The following COL18A1 variants were observed in gnomAD, a reference collection of about 807,000 sequenced individuals.
COL18A1 encodes the protein collagen type XVIII alpha 1 chain.
Under a neutral mutation model 168.0 loss-of-function variants are expected in COL18A1, and 133 were observed. The observed-to-expected ratio is 0.79, with a 90% CI of 0.69 to 0.91. The LOEUF (loss-of-function observed/expected upper bound fraction) is 0.91, where lower values mean the gene tolerates loss of function less well. Among genes scored for constraint, COL18A1 ranks in the 40% least tolerant of loss-of-function variants. COL18A1 has a pLI of 0.00. For missense variants in COL18A1, 2,126 were observed against 1,925.4 expected, an observed-to-expected ratio of 1.10 and a Z score of -1.95; for synonymous variants, 949 against 809.0, an observed-to-expected ratio of 1.17 and a Z score of -2.94.
intron 9 of COL18A1, 76 bp downstream of exon 9, chr21:45,478,429 C>T (rs2035761532): frequency 1.2e-6 from 2 of 1,602,522 alleles, no homozygotes; most frequent in South Asian, 1.1e-5. Context: ...TTGCCAGTGA[C>T]ACTCTTTTTA....
intron 9 of COL18A1, among the ~76,000 whole-genome samples, chr21:45,478,668 T>C (rs1267850041): frequency 7.3e-6 from 1 of 136,778 alleles, no homozygotes; most frequent in Non-Finnish European, 1.6e-5. Context: ...GGGCAGGGGG[T>C]GGTGCAAGTC....
chr21:45,480,984 T>G, intron 13 of COL18A1, 126 bp downstream of exon 13: 2 of 1,380,510 alleles, frequency 1.4e-6, no homozygotes, highest in Non-Finnish European at 2.0e-6. Flanking sequence ...CCTCATCTCC[T>G]CTAGGAGCTG....
intron 2 of COL18A1, among the ~76,000 whole-genome samples, chr21:45,430,827 G>A (rs1376053546): frequency 2.6e-5 from 4 of 152,186 alleles, no homozygotes; most frequent in African/African-American, 7.2e-5. Flanking sequence ...CTGGGAAGCC[G>A]GGATCACGAG....
At chr21:45,497,225 C>G (rs1361422960) in intron 31 of COL18A1, 133 bp downstream of exon 31, 7 of 727,154 alleles carry the variant, frequency 9.6e-6, no homozygotes, top group Non-Finnish European at 1.7e-5. Flanking sequence ...CCAGCCCACG[C>G]CCCAGTTCCG....
At position 45,471,075 on chromosome 21, in the gene COL18A1, C is replaced by G. The variant is rs1358652568; in HGVS notation, c.651+2289C>G. ...CGCTACGGGCCTTGTGCTGCTGGGCCTGGGTGGCGCGCTACGGGCCGTGTG... is the reference window on the plus strand; with the variant it reads ...CGCTACGGGCCTTGTGCTGCTGGGCGTGGGTGGCGCGCTACGGGCCGTGTG... On this transcript the variant is annotated intron_variant, in intron 3 of 41. Coordinates refer to ENST00000651438, the MANE Select transcript of COL18A1 (RefSeq NM_001379500.1). This position sits in a 1 kb window ranked among gnomAD's most constrained non-coding sequence, Gnocchi z 4.4. Among the ~76,000 whole-genome samples the G allele has an allele frequency of 8.2e-6, 1 of 122,252 alleles. No individual in the cohort carries two copies. The highest frequency in any genetic ancestry group is 7.9e-5 in the Admixed American group (1 of 12,584). 80.2% of individuals were successfully genotyped at this position (122,252 alleles called of 152,430 possible).
rs113761342 is a variant in COL18A1 at position 45,413,081 on chromosome 21, T to C, written c.106+7608T>C. 4.1e-3 allele frequency among the ~76,000 whole-genome samples: 623 copies of C among 152,244 alleles called. 5 individuals carry two copies. Among genetic ancestry groups the C allele is most frequent in the African/African-American group, 0.014 (594 of 41,552 alleles). ...ATCGGCTTCCTGGGGTGTGTCCTGC[T>C]GACAGCCCTCTGAGGCCAGCCGGTC... On this transcript the variant is annotated intron_variant, in intron 2 of 41. Coordinates refer to ENST00000651438, the MANE Select transcript of COL18A1 (RefSeq NM_001379500.1).
At chr21:45,454,679 C>T (rs993856727) in intron 2 of COL18A1, among the ~76,000 whole-genome samples, 2 of 152,242 alleles carry the variant, frequency 1.3e-5, no homozygotes, top group Non-Finnish European at 2.9e-5. Flanking sequence ...GCATAAGGCA[C>T]ACTCAGCACC....
chr21:45,490,317 C>T lies in COL18A1; in HGVS notation c.2002C>T (p.Pro668Ser), dbSNP rs1406808883. Residue 668 changes from proline (P) to serine (S), a missense_variant, in exon 20 of 42, where the codon CCT becomes TCT. By Grantham distance (74) the Pro-to-Ser change is moderately conservative. Transcript: ENST00000651438. ...TGGAGTCCCCGGGTTCCCCGGCCTC[C>T]CTGGCAGAGAGGGCATTGCTGGGCC... is the stretch of plus-strand genomic sequence containing the variant. ...ADGVPGFPGL[P>S]GREGIAGPQG... 6.3e-7 allele frequency: 1 copy of T among 1,588,530 alleles called. No homozygotes were observed. Among genetic ancestry groups the T allele is most frequent in the Admixed American group, 1.8e-5 (1 of 56,212 alleles).
intron 2 of COL18A1, among the ~76,000 whole-genome samples, chr21:45,467,085 C>T (rs2035238246): frequency 1.3e-5 from 2 of 152,262 alleles, no homozygotes; most frequent in African/African-American, 4.8e-5. Flanking sequence ...CGTTGGGACC[C>T]CTCTGCCCCT....
In COL18A1 at chr21:45,494,328, G is replaced by A. The variant is rs192701728; in HGVS notation, c.2353-217G>A. The A allele has an allele frequency of 9.0e-3, 5,036 of 562,470 alleles. 31 individuals carry two copies. The highest frequency in any genetic ancestry group is 0.013 in the Non-Finnish European group (4,118 of 318,940). The allele number at this position is 562,470 out of a possible 1,614,324, so 34.8% of individuals were successfully genotyped here. A position where few individuals can be genotyped will look rare whatever the true frequency, so the allele number is the denominator to read the frequency against. Reference sequence around the variant, plus strand: ...CAACCTGGACGCAAACCCCAAACCCGACCCTCCCCTCACCAGTGGCTCCTG... The same window carrying A: ...CAACCTGGACGCAAACCCCAAACCCAACCCTCCCCTCACCAGTGGCTCCTG... On this transcript the variant is annotated intron_variant, in intron 26 of 41. Coordinates refer to ENST00000651438, the MANE Select transcript of COL18A1 (RefSeq NM_001379500.1).
chr21:45,495,861 G>A, intron 29 of COL18A1: 1 of 316,546 alleles, frequency 3.2e-6, no homozygotes, highest in Non-Finnish European at 6.2e-6. Context: ...TCATACATGT[G>A]CACGTATCCA....
intron 32 of COL18A1, among the ~76,000 whole-genome samples, chr21:45,503,433 A>G (rs1430364342): frequency 1.3e-5 from 2 of 152,168 alleles, no homozygotes; most frequent in East Asian, 3.9e-4. Flanking sequence ...TGGCACATAT[A>G]CACCATGGAA....
rs1417833288 is a variant in COL18A1 at position 45,477,469 on chromosome 21, T to C, written c.987T>C (p.Pro329=). Residue 329 remains proline, a synonymous_variant, in exon 7 of 42, where the codon CCT becomes CCC. Coordinates refer to ENST00000651438, the MANE Select transcript of COL18A1 (RefSeq NM_001379500.1). The stretch of plus-strand genomic sequence containing the variant: ...CGTGGGACGGGAGTGTCCGGACCCC[T>C]GGGGGCCGCGTGAAAGAGGTAAGGC... ...VSTWDGSVRT[P]GGRVKEGGLK... 1 of 1,611,546 alleles carries C rather than the reference T, an allele frequency of 6.2e-7. No individual in the cohort carries two copies. The highest frequency in any genetic ancestry group is 8.5e-7 in the Non-Finnish European group (1 of 1,179,022).
intron 2 of COL18A1, among the ~76,000 whole-genome samples, chr21:45,462,951 G>T (rs2035092653): frequency 6.6e-6 from 1 of 152,144 alleles, no homozygotes; most frequent in African/African-American, 2.4e-5. Context: ...CCTTAGGTGT[G>T]AACTTCAGGT....
At position 45,510,046 on chromosome 21, in the gene COL18A1, G is replaced by A. The variant is rs367807324; in HGVS notation, c.3496-18G>A. The stretch of plus-strand genomic sequence containing the variant: ...GGCAGCGTGGGACACAGCCCGTGAC[G>A]CGCCCCTCTCCCCGCAGCTCCACCT... On this transcript the variant is annotated intron_variant, in intron 39 of 41. Coordinates refer to ENST00000651438, the MANE Select transcript of COL18A1 (RefSeq NM_001379500.1). The A allele has an allele frequency of 1.4e-4, 222 of 1,544,460 alleles. 1 individual carries two copies. The African/African-American group carries it at 2.3e-3, about 16-fold the overall frequency.
intron 37 of COL18A1, chr21:45,506,182 T>C: frequency 1.6e-6 from 1 of 638,240 alleles, no homozygotes; most frequent in African/African-American, 1.8e-5. Context: ...TGAAAGTGGA[T>C]GAACACATGG....
intron 32 of COL18A1, among the ~76,000 whole-genome samples, chr21:45,503,746 C>T (rs937488952): frequency 2.6e-5 from 4 of 151,718 alleles, no homozygotes; most frequent in Admixed American, 6.6e-5. Flanking sequence ...TGTAACTAAC[C>T]TGCACATCAT....
At chr21:45,427,705 G>C (rs759048574) in intron 2 of COL18A1, among the ~76,000 whole-genome samples, 3 of 152,208 alleles carry the variant, frequency 2.0e-5, no homozygotes, top group Non-Finnish European at 2.9e-5. Context: ...CCAGTGCTCT[G>C]GGTGCCTTTG....
chr21:45,450,891 G>A (rs1480281824), intron 2 of COL18A1, among the ~76,000 whole-genome samples: 1 of 152,258 alleles, frequency 6.6e-6, no homozygotes, highest in Non-Finnish European at 1.5e-5. Flanking sequence ...CTCGATGGCT[G>A]TGCGGACACC....
Sources: gnomAD v4.1 joint callset for allele counts (sites outside exome capture counted in the v4.1 genomes callset) on GRCh38, gnomAD v4.1.1 for gene constraint, Gnocchi (gnomAD v3.1) non-coding constraint, MANE v1.5 for transcripts, NCBI Gene and HGNC (gene_info 2026-07-23, HGNC 2026-07-21) for gene names.